Variants in CHODL observed in about 807,000 individuals in gnomAD.
CHODL encodes the protein transmembrane protein MT75.
A neutral mutation model predicts 34.5 loss-of-function variants in CHODL; 29 were observed. That is an observed-to-expected ratio of 0.84 (90% CI 0.63 to 1.15). CHODL has a LOEUF of 1.15. CHODL is among the 50% of genes most tolerant of loss of function. The probability of loss-of-function intolerance (pLI) is 0.00; values close to 1 mark genes in which losing one functional copy is unlikely to be tolerated. For missense variants in CHODL, 332 were observed against 332.5 expected (o/e 1.00, Z 0.01); for synonymous variants, 125 against 116.1 (o/e 1.08, Z -0.49).
chr21:18,167,736 C>G (rs2073176111), intron 2 of CHODL, among the ~76,000 whole-genome samples: 1 of 152,018 alleles, frequency 6.6e-6, no homozygotes, highest in South Asian at 2.1e-4. Flanking sequence ...TAAAACAAGC[C>G]TATGATGTAA....
At chr21:18,085,669 A>G (rs915519353) in intron 2 of CHODL, among the ~76,000 whole-genome samples, 1 of 152,188 alleles carries the variant, frequency 6.6e-6, no homozygotes, top group Admixed American at 6.5e-5. Context: ...CAACAATTTG[A>G]AAATGTCATT....
At chr21:17,993,859 C>T (rs958910820) in intron 1 of CHODL, among the ~76,000 whole-genome samples, 1 of 152,206 alleles carries the variant, frequency 6.6e-6, no homozygotes, top group Non-Finnish European at 1.5e-5. Context: ...TCCTCTTTCT[C>T]CAGAACCTTT....
chr21:18,016,081 T>C (rs548957764), intron 1 of CHODL, among the ~76,000 whole-genome samples: 80 of 152,292 alleles, frequency 5.3e-4, no homozygotes, highest in Middle Eastern at 6.8e-3. Context: ...TTTGCATAAG[T>C]AAAGAACAGC....
At chr21:18,106,018 A>C (rs1480340917) in intron 2 of CHODL, among the ~76,000 whole-genome samples, 1 of 152,182 alleles carries the variant, frequency 6.6e-6, no homozygotes, top group South Asian at 2.1e-4. Flanking sequence ...CTAGGAGCAA[A>C]GGAGGGCACA....
At chr21:18,148,855 T>A (rs2146623000) in intron 2 of CHODL, among the ~76,000 whole-genome samples, 1 of 150,518 alleles carries the variant, frequency 6.6e-6, no homozygotes, top group Non-Finnish European at 1.5e-5. Flanking sequence ...ATACCCCACA[T>A]TTGAATCTTA....
At chr21:18,096,793 T>C (rs1303090029) in intron 2 of CHODL, among the ~76,000 whole-genome samples, 1 of 152,180 alleles carries the variant, frequency 6.6e-6, no homozygotes, top group Non-Finnish European at 1.5e-5. Flanking sequence ...TTTTGAAGCA[T>C]GTGATCTCTG....
chr21:17,965,039 C>A (rs143168863), intron 1 of CHODL, among the ~76,000 whole-genome samples: 14 of 152,274 alleles, frequency 9.2e-5, no homozygotes, highest in African/African-American at 3.4e-4. Flanking sequence ...AAAGACTATT[C>A]ATAATATAAT....
At chr21:18,072,776 A>G (rs1416817396) in intron 2 of CHODL, among the ~76,000 whole-genome samples, 3 of 152,148 alleles carry the variant, frequency 2.0e-5, no homozygotes, top group Admixed American at 6.5e-5. Context: ...CTGCATGTCA[A>G]AAAGTCAGTC....
At chr21:18,258,832 A>G (rs917087809) in intron 3 of CHODL, among the ~76,000 whole-genome samples, 1 of 151,902 alleles carries the variant, frequency 6.6e-6, no homozygotes, top group African/African-American at 2.4e-5. Context: ...TGCTTAGTAA[A>G]GGATGTTGGT....
Position 18,266,108 on chromosome 21 carries a change from C to A in CHODL, c.*70C>A. On this transcript the variant is annotated 3_prime_UTR_variant, in exon 6 of 6. Coordinates refer to ENST00000299295, the MANE Select transcript of CHODL (RefSeq NM_024944.3). ...ATAAGGAATGGCATCAGAACAATAG[C>A]TTGGAATGGCTTGAAATCACAAAGG... 6.2e-7 allele frequency: 1 copy of A among 1,611,470 alleles called. No homozygotes were observed. Among genetic ancestry groups the A allele is most frequent in the Non-Finnish European group, 8.5e-7 (1 of 1,178,356 alleles).
intron 2 of CHODL, among the ~76,000 whole-genome samples, chr21:18,139,390 C>G (rs1462006794): frequency 6.6e-6 from 1 of 152,076 alleles, no homozygotes; most frequent in Non-Finnish European, 1.5e-5. Context: ...TGGCAACCAT[C>G]AACAAAAATG....
chr21:18,248,819 A>T (rs1288438686), intron 1 of CHODL, among the ~76,000 whole-genome samples: 1 of 118,536 alleles, frequency 8.4e-6, no homozygotes, highest in South Asian at 2.3e-4. Flanking sequence ...TATGTATATT[A>T]TATATGTATG....
At chr21:18,021,471 G>T (rs1042471910) in intron 1 of CHODL, among the ~76,000 whole-genome samples, 6 of 152,076 alleles carry the variant, frequency 3.9e-5, no homozygotes, top group African/African-American at 1.5e-4. Context: ...AGGTAACATG[G>T]GGCTTGTTCT....
At chr21:18,091,375 G>A (rs150346521) in intron 2 of CHODL, among the ~76,000 whole-genome samples, 1 of 152,326 alleles carries the variant, frequency 6.6e-6, no homozygotes, top group Non-Finnish European at 1.5e-5. Context: ...GGAGACTCCA[G>A]TAGGTATGGT....
At chr21:18,174,129 A>ATATATATATATATATATATCTTGG (rs2073267997) in intron 2 of CHODL, among the ~76,000 whole-genome samples, 1 of 11,336 alleles carries the variant, frequency 8.8e-5, no homozygotes, top group Non-Finnish European at 7.3e-4. Context: ...TGGTGTATAT[A>ATATATATATATATATATATCTTGG]TATATATATA....
rs71830028 is a variant in CHODL at position 17,966,891 on chromosome 21, C to CTT, written c.-145+49503_-145+49504dup. On this transcript the variant is annotated intron_variant, in intron 1 of 6. Transcript: ENST00000400127. The stretch of plus-strand genomic sequence containing the variant: ...AGAGTGATATGATTATTTTCCTGAG[C>CTT]TTTTTTTTTTTTTGAGACGAGTCTT... Among the ~76,000 whole-genome samples the CTT allele has an allele frequency of 2.8e-3, 405 of 144,712 alleles. 4 individuals are homozygous for CTT. The highest frequency in any genetic ancestry group is 9.3e-3 in the African/African-American group (366 of 39,244). The allele number at this position is 144,712 out of a possible 152,430, so 94.9% of individuals were successfully genotyped here.
chr21:18,222,716 T>C (rs1229811451), intron 2 of CHODL, among the ~76,000 whole-genome samples: 1 of 152,194 alleles, frequency 6.6e-6, no homozygotes, highest in Non-Finnish European at 1.5e-5. Context: ...TCTCTGTTGC[T>C]ACCCTGCTGG....
chr21:18,203,930 C>A (rs2073683624), intron 2 of CHODL, among the ~76,000 whole-genome samples: 1 of 152,056 alleles, frequency 6.6e-6, no homozygotes, highest in Non-Finnish European at 1.5e-5. Context: ...AAGTGATTCC[C>A]TCAAGGAAAA....
chr21:18,075,255 T>TTA (rs1230004681), intron 2 of CHODL, among the ~76,000 whole-genome samples: 1 of 152,132 alleles, frequency 6.6e-6, no homozygotes, highest in African/African-American at 2.4e-5. Flanking sequence ...GGGTTATGAG[T>TTA]TATAGAGCGT....
Sources: allele counts gnomAD v4.1 joint callset (sites outside exome capture counted in the v4.1 genomes callset), GRCh38; gene constraint gnomAD v4.1.1; transcripts MANE v1.5; gene names NCBI Gene and HGNC (gene_info 2026-07-23, HGNC 2026-07-21).